MEGF10: variants seen among roughly 807,000 people sequenced by gnomAD.
The protein encoded by MEGF10 is multiple EGF like domains 10, also known as multiple epidermal growth factor-like domains protein 10.
In MEGF10, 86 loss-of-function variants were observed where a neutral mutation model predicts 147.5. The observed-to-expected ratio is 0.58, with a 90% CI of 0.49 to 0.70. The LOEUF (loss-of-function observed/expected upper bound fraction) is 0.70, where lower values mean the gene tolerates loss of function less well. Ranked by LOEUF, MEGF10 falls within the 30% of genes least tolerant of loss-of-function variation. MEGF10 has a pLI of 0.00. For missense variants in MEGF10, 1,329 were observed against 1,487.3 expected (o/e 0.89, Z 1.75); for synonymous variants, 478 against 525.5 (o/e 0.91, Z 1.24).
chr5:127,240,259 T>C, the MEGF10 span, among the ~76,000 whole-genome samples: 2 of 152,204 alleles, frequency 1.3e-5, no homozygotes, highest in Non-Finnish European at 2.9e-5. Context: ...TATGAAATCC[T>C]TCCCTGGTCT....
At chr5:127,450,931 G>C (rs1302350672) in intron 22 of MEGF10, among the ~76,000 whole-genome samples, 2 of 151,914 alleles carry the variant, frequency 1.3e-5, no homozygotes, top group African/African-American at 4.8e-5. Flanking sequence ...GCTGATTTTT[G>C]CATTTTCAGT....
intron 1 of MEGF10, among the ~76,000 whole-genome samples, chr5:127,324,843 CCTT>C (rs1398330924): frequency 2.0e-5 from 3 of 152,212 alleles, no homozygotes; most frequent in Non-Finnish European, 4.4e-5. Context: ...TGTTATAAAA[CCTT>C]CTGCTCTCCA....
intron 5 of MEGF10, among the ~76,000 whole-genome samples, chr5:127,396,192 C>T (rs1763903463): frequency 6.6e-6 from 1 of 152,202 alleles, no homozygotes; most frequent in Non-Finnish European, 1.5e-5. Flanking sequence ...AGGCTGCTCT[C>T]CTTGCAGAAC....
At chr5:127,398,471 A>C (rs1764005688) in intron 6 of MEGF10, among the ~76,000 whole-genome samples, 1 of 152,204 alleles carries the variant, frequency 6.6e-6, no homozygotes, top group Non-Finnish European at 1.5e-5. Context: ...CTTTATTAGA[A>C]AGTACCCCAA....
At chr5:127,272,288 T>G in the MEGF10 span, among the ~76,000 whole-genome samples, 2 of 152,194 alleles carry the variant, frequency 1.3e-5, no homozygotes, top group Admixed American at 6.5e-5. Context: ...CATTGATCTA[T>G]GTGTCTGTTC....
At chr5:127,345,770 A>G (rs1212287619) in intron 4 of MEGF10, among the ~76,000 whole-genome samples, 1 of 152,098 alleles carries the variant, frequency 6.6e-6, no homozygotes, top group Non-Finnish European at 1.5e-5. Context: ...TTATTGGCGA[A>G]TTCTGAGATT....
At chr5:127,320,632 A>G (rs1011549410) in intron 1 of MEGF10, among the ~76,000 whole-genome samples, 4 of 152,034 alleles carry the variant, frequency 2.6e-5, no homozygotes, top group Non-Finnish European at 5.9e-5. Context: ...CTGCCCAAGC[A>G]TTTTCTCCTG....
At chr5:127,248,814 G>A in the MEGF10 span, among the ~76,000 whole-genome samples, 2 of 149,916 alleles carry the variant, frequency 1.3e-5, no homozygotes, top group East Asian at 2.0e-4. Context: ...AACGAAAGGT[G>A]AACTTGGTGA....
At chr5:127,330,425 A>G (rs1229902038) in intron 1 of MEGF10, among the ~76,000 whole-genome samples, 6 of 152,080 alleles carry the variant, frequency 3.9e-5, no homozygotes, top group Admixed American at 2.0e-4. Context: ...CCATGAATTA[A>G]CTTGAACTCC....
intron 1 of MEGF10, among the ~76,000 whole-genome samples, chr5:127,307,914 C>T (rs1290291717): frequency 6.6e-6 from 1 of 152,150 alleles, no homozygotes. Context: ...TAATAGAGCC[C>T]TGGGATTCTA....
At chr5:127,309,217 T>C (rs1018895374) in intron 1 of MEGF10, among the ~76,000 whole-genome samples, 4 of 152,270 alleles carry the variant, frequency 2.6e-5, no homozygotes, top group African/African-American at 9.6e-5. Context: ...TCTCACCTTT[T>C]GGGCAGACAT....
Position 127,339,237 on chromosome 5 carries a change from G to T in MEGF10, c.218+16G>T, listed in dbSNP as rs2126798252. On this transcript the variant is annotated intron_variant, in intron 3 of 24. Coordinates refer to ENST00000503335, the MANE Select transcript of MEGF10 (RefSeq NM_001256545.2). ...CGCGGCACAGGTAATAGAAGCTCAG[G>T]CATGTTTGTGAGTTTGGCTAACTGG... 6.4e-7 allele frequency: 1 copy of T among 1,571,994 alleles called. No homozygotes were observed. The highest frequency in any genetic ancestry group is 8.7e-7 in the Non-Finnish European group (1 of 1,143,678).
the MEGF10 span, among the ~76,000 whole-genome samples, chr5:127,282,056 G>A: frequency 6.6e-6 from 1 of 152,196 alleles, no homozygotes; most frequent in Non-Finnish European, 1.5e-5. Flanking sequence ...TGTGGGGAGA[G>A]TAAATCTGCC....
rs373064687 is a variant in MEGF10, at chr5:127,400,624, G to C, written c.780+1828G>C. Among the ~76,000 whole-genome samples the C allele has an allele frequency of 4.6e-5, 7 of 152,150 alleles. No individual in the cohort carries two copies. In the East Asian group the frequency reaches 7.7e-4, roughly 17 times the overall value. On this transcript the variant is annotated intron_variant, in intron 7 of 24. Coordinates refer to ENST00000503335, the MANE Select transcript of MEGF10 (RefSeq NM_001256545.2). ...ATGCTCTTTGGATAAGGATCTTCAGGCCTTTTACTCCTAGGACTTCTGTGT... is the reference window on the plus strand; with the variant it reads ...ATGCTCTTTGGATAAGGATCTTCAGCCCTTTTACTCCTAGGACTTCTGTGT...
rs141438306 is a variant in MEGF10, at chr5:127,440,560, G to A, written c.2234-179G>A. The stretch of plus-strand genomic sequence containing the variant: ...CTTATGAATTACAACCTCCTTGCAA[G>A]AGCCCTGTCTTGGGACTTCAAAGAA... On this transcript the variant is annotated intron_variant, in intron 17 of 24. Transcript: ENST00000503335. Among the ~76,000 whole-genome samples the A allele has an allele frequency of 2.3e-3, 354 of 152,320 alleles. 1 individual carries two copies. The highest frequency in any genetic ancestry group is 7.8e-3 in the African/African-American group (325 of 41,570).
the MEGF10 span, among the ~76,000 whole-genome samples, chr5:127,247,492 T>G: frequency 5.8e-5 from 7 of 120,290 alleles, no homozygotes; most frequent in Non-Finnish European, 5.5e-5. Flanking sequence ...GAAGAAAAAT[T>G]TAAAGAATCT....
rs533867436 is a variant in MEGF10, at chr5:127,457,388, A to G, written c.*70A>G. The stretch of plus-strand genomic sequence containing the variant: ...GCTGTTTGGTTCTTCTCCATCCTCA[A>G]TTTTGCCACTTTCATGTGAATGTTA... On this transcript the variant is annotated 3_prime_UTR_variant, in exon 25 of 25. Transcript: ENST00000503335. The G allele has an allele frequency of 1.1e-4, 164 of 1,494,070 alleles. No individual in the cohort carries two copies. The African/African-American group carries it at 2.0e-3, about 18-fold the overall frequency. 92.6% of individuals were successfully genotyped at this position (1,494,070 alleles called of 1,614,324 possible).
intron 19 of MEGF10, among the ~76,000 whole-genome samples, chr5:127,443,971 G>A (rs1294175741): frequency 1.3e-5 from 2 of 152,134 alleles, no homozygotes; most frequent in African/African-American, 4.8e-5. Flanking sequence ...GAATAATTGG[G>A]GTATATAGTA....
chr5:127,378,054 T>C (rs1580785644), intron 5 of MEGF10, among the ~76,000 whole-genome samples: 1 of 152,214 alleles, frequency 6.6e-6, no homozygotes, highest in East Asian at 1.9e-4. Flanking sequence ...TTGCCTTTCC[T>C]AAGGAGTCCA....
Sources: allele counts gnomAD v4.1 joint callset (sites outside exome capture counted in the v4.1 genomes callset), GRCh38; gene constraint gnomAD v4.1.1; transcripts MANE v1.5; gene names NCBI Gene and HGNC (gene_info 2026-07-23, HGNC 2026-07-21).